The following CCSER1 variants were observed in gnomAD, a reference collection of about 807,000 sequenced individuals.
The protein encoded by CCSER1 is serine-rich coiled-coil domain-containing protein 1.
A neutral mutation model predicts 82.0 loss-of-function variants in CCSER1; 41 were observed. The observed-to-expected ratio is 0.50, with a 90% CI of 0.39 to 0.65. The LOEUF (loss-of-function observed/expected upper bound fraction) is 0.65. CCSER1 is among the 30% of genes least tolerant of loss of function. The pLI, the probability that CCSER1 is intolerant of heterozygous loss-of-function variation, is 0.00. For synonymous variants in CCSER1, 414 were observed against 383.9 expected (o/e 1.08, Z -0.92); for missense variants, 1,119 against 1,064.2 (o/e 1.05, Z -0.72).
chr4:90,309,267 G>T lies in CCSER1; in HGVS notation c.983G>T (p.Gly328Val). Residue 328 changes from glycine to valine, a missense_variant, in exon 2 of 11, where the codon GGT (glycine) becomes GTT (valine). Gly to Val is a moderately radical substitution (Grantham distance 109). Transcript: ENST00000509176. ...TCTCCTGGGAAATATAGGTTAGAGG[G>T]TCAATGTAGCACTGAATCTAATTCA... ...IMSPGKYRLE[G>V]QCSTESNSLP... 1.2e-6 allele frequency: 2 copies of T among 1,613,852 alleles called. No individual in the cohort carries two copies. Among genetic ancestry groups the T allele is most frequent in the Non-Finnish European group, 1.7e-6 (2 of 1,179,824 alleles).
At chr4:90,707,414 C>T (rs548478745) in intron 6 of CCSER1, among the ~76,000 whole-genome samples, 1 of 152,002 alleles carries the variant, frequency 6.6e-6, no homozygotes, top group South Asian at 2.1e-4. Context: ...CTTCCCTATC[C>T]CATTAAATTC....
intron 10 of CCSER1, among the ~76,000 whole-genome samples, chr4:91,157,621 C>A (rs1023877550): frequency 6.6e-6 from 1 of 151,894 alleles, no homozygotes; most frequent in Admixed American, 6.6e-5. Context: ...TTTATATCTC[C>A]ATCTATATGG....
intron 3 of CCSER1, among the ~76,000 whole-genome samples, chr4:90,380,496 A>G (rs1206208917): frequency 6.6e-6 from 1 of 152,142 alleles, no homozygotes; most frequent in Admixed American, 6.5e-5. Context: ...TTGCTTATTC[A>G]TTATGTACGG....
At chr4:90,600,189 A>AC (rs2148745892) in intron 5 of CCSER1, among the ~76,000 whole-genome samples, 1 of 152,278 alleles carries the variant, frequency 6.6e-6, no homozygotes, top group Non-Finnish European at 1.5e-5. Flanking sequence ...GTAAATAGGG[A>AC]CGTAGGTATT....
intron 3 of CCSER1, among the ~76,000 whole-genome samples, chr4:90,393,641 A>G (rs191204855): frequency 1.1e-4 from 16 of 152,154 alleles, no homozygotes; most frequent in Non-Finnish European, 1.9e-4. Context: ...ATAACAGTAT[A>G]GATATGTGAT....
In CCSER1 at chr4:90,508,898, A is replaced by G. The variant is rs569434574; in HGVS notation, c.1724+40544A>G. On this transcript the variant is annotated intron_variant, in intron 5 of 10. Transcript: ENST00000509176. ...CAAATACTATAACTAAATTTGGGGT[A>G]TCTGATTTCTTGACATTTGCTAAAC... Among the ~76,000 whole-genome samples the G allele has an allele frequency of 3.5e-4, 53 of 152,198 alleles. 1 individual carries two copies. In the South Asian group the frequency reaches 0.011, roughly 30 times the overall value.
Position 90,969,189 on chromosome 4 carries a change from C to A in CCSER1, c.2172+45742C>A, listed in dbSNP as rs181264990. On this transcript the variant is annotated intron_variant, in intron 9 of 10. Transcript: ENST00000509176. ...ACACAATTAAATGAAACAGTATACA[C>A]ATTATGTAAGTGTCTGAAGATAACA... Among the ~76,000 whole-genome samples, 64 of 151,850 alleles carry A rather than the reference C, an allele frequency of 4.2e-4. 1 individual carries two copies. The highest frequency in any genetic ancestry group is 1.5e-3 in the African/African-American group (63 of 41,386).
chr4:91,071,898 C>A (rs1721476679), intron 9 of CCSER1, among the ~76,000 whole-genome samples: 2 of 152,084 alleles, frequency 1.3e-5, no homozygotes, highest in Admixed American at 6.6e-5. Flanking sequence ...TACTTGTTTT[C>A]TGAAAGGGTG....
intron 9 of CCSER1, among the ~76,000 whole-genome samples, chr4:91,055,658 G>C (rs990023281): frequency 6.6e-6 from 1 of 151,992 alleles, no homozygotes; most frequent in Non-Finnish European, 1.5e-5. Context: ...TGAGCTTCTT[G>C]AATGTTTATA....
chr4:91,091,493 G>C (rs745609446), intron 10 of CCSER1, among the ~76,000 whole-genome samples: 1 of 152,218 alleles, frequency 6.6e-6, no homozygotes, highest in Non-Finnish European at 1.5e-5. Context: ...GCAGTCCTCT[G>C]TGTGGGAAGA....
chr4:91,085,398 TA>T (rs1360865707), intron 9 of CCSER1, among the ~76,000 whole-genome samples: 2 of 152,170 alleles, frequency 1.3e-5, no homozygotes, highest in Non-Finnish European at 2.9e-5. Context: ...TTCTTTTAAT[TA>T]AGTATAGTGC....
At chr4:90,472,443 A>G (rs534074494) in intron 5 of CCSER1, among the ~76,000 whole-genome samples, 11 of 152,320 alleles carry the variant, frequency 7.2e-5, no homozygotes, top group African/African-American at 2.6e-4. Flanking sequence ...AGGAGAAACA[A>G]GAATTAGGAA....
At chr4:90,480,985 C>T (rs1490771437) in intron 5 of CCSER1, among the ~76,000 whole-genome samples, 5 of 152,248 alleles carry the variant, frequency 3.3e-5, no homozygotes, top group South Asian at 2.1e-4. Context: ...GCCATTTTCA[C>T]GATATTGATT....
At chr4:91,151,561 A>G (rs2148954148) in intron 10 of CCSER1, among the ~76,000 whole-genome samples, 1 of 151,978 alleles carries the variant, frequency 6.6e-6, no homozygotes, top group East Asian at 1.9e-4. Flanking sequence ...TTTAATTGTG[A>G]TGTTAGGGTG....
At chr4:91,030,634 T>G (rs976350802) in intron 9 of CCSER1, among the ~76,000 whole-genome samples, 24 of 151,998 alleles carry the variant, frequency 1.6e-4, no homozygotes, top group African/African-American at 5.3e-4. Context: ...AAACTAAAAC[T>G]AAGAAGAATT....
intron 10 of CCSER1, among the ~76,000 whole-genome samples, chr4:91,245,989 C>A (rs1300152503): frequency 6.6e-6 from 1 of 152,114 alleles, no homozygotes; most frequent in Non-Finnish European, 1.5e-5. Context: ...AGCCACCATG[C>A]CTGGCCAGAA....
At chr4:90,541,793 C>T (rs527409326) in intron 5 of CCSER1, among the ~76,000 whole-genome samples, 3 of 151,960 alleles carry the variant, frequency 2.0e-5, no homozygotes, top group South Asian at 4.1e-4. Flanking sequence ...GTTTTCAAAA[C>T]TGGCACTTTT....
At chr4:90,930,384 G>A (rs1463775888) in intron 9 of CCSER1, among the ~76,000 whole-genome samples, 4 of 151,846 alleles carry the variant, frequency 2.6e-5, no homozygotes, top group Non-Finnish European at 5.9e-5. Flanking sequence ...GGCGGATCAC[G>A]AGGTCAGGAG....
chr4:90,340,334 A>G (rs1741169283), intron 3 of CCSER1, among the ~76,000 whole-genome samples: 1 of 152,158 alleles, frequency 6.6e-6, no homozygotes, highest in Admixed American at 6.5e-5. Flanking sequence ...CTCAAAAACT[A>G]AAAGCAAGCG....
Sources: gnomAD v4.1 joint callset for allele counts (sites outside exome capture counted in the v4.1 genomes callset) on GRCh38, gnomAD v4.1.1 for gene constraint, MANE v1.5 for transcripts, NCBI Gene and HGNC (gene_info 2026-07-23, HGNC 2026-07-21) for gene names.